The following INPPL1 variants were observed in gnomAD, a reference collection of about 807,000 sequenced individuals.
INPPL1 encodes phosphatidylinositol 3,4,5-trisphosphate 5-phosphatase 2.
In INPPL1, 91 loss-of-function variants were observed where a neutral mutation model predicts 139.3. That is an observed-to-expected ratio of 0.65 (90% CI 0.55 to 0.78). The LOEUF (loss-of-function observed/expected upper bound fraction) is 0.78. Ranked by LOEUF, INPPL1 falls within the 30% of genes least tolerant of loss-of-function variation. INPPL1 has a pLI of 0.00. For missense variants in INPPL1, 1,411 were observed against 1,665.6 expected (o/e 0.85, Z 2.66); for synonymous variants, 719 against 686.6 (o/e 1.05, Z -0.74).
chr11:72,224,770 T>C lies in INPPL1; in HGVS notation c.-215T>C, dbSNP rs1211917582. 2 of 180,772 alleles carry C rather than the reference T, an allele frequency of 1.1e-5. No homozygotes were observed. Among genetic ancestry groups the C allele is most frequent in the Non-Finnish European group, 2.2e-5 (2 of 91,308 alleles). 11.2% of individuals were successfully genotyped at this position (180,772 alleles called of 1,614,324 possible). A position where few individuals can be genotyped will look rare whatever the true frequency, so the allele number is the denominator to read the frequency against. ...CGCCGCCTCTGAACAAACTTTTCTT[T>C]CTCTTCAAGTTGAGGCCGGCGCTGC... On this transcript the variant is annotated 5_prime_UTR_variant, in exon 1 of 28. Coordinates refer to ENST00000298229, the MANE Select transcript of INPPL1 (RefSeq NM_001567.4).
In INPPL1 at chr11:72,238,292, C is replaced by T. The variant is rs374498868; in HGVS notation, c.3716C>T (p.Ala1239Val). 6.2e-7 allele frequency: 1 copy of T among 1,608,206 alleles called. No individual in the cohort carries two copies. Among genetic ancestry groups the T allele is most frequent in the Non-Finnish European group, 8.5e-7 (1 of 1,177,282 alleles). The change falls in exon 28 of 28, where the codon GCT becomes GTT. Residue 1239 changes from alanine to valine, a missense_variant. Transcript: ENST00000298229. ...SDITEEDLEE[A>V]GVQDPAHKRL... ...ATCACCGAGGAGGACTTGGAGGAGGCTGGGGTGCAGGACCCGGCTCACAAG... is the reference window on the plus strand; with the variant it reads ...ATCACCGAGGAGGACTTGGAGGAGGTTGGGGTGCAGGACCCGGCTCACAAG...
In INPPL1 at chr11:72,228,455, G is replaced by C. The variant is rs1232993446; in HGVS notation, c.354G>C (p.Glu118Asp). 6.2e-7 allele frequency: 1 copy of C among 1,611,226 alleles called. No homozygotes were observed. Among genetic ancestry groups the C allele is most frequent in the South Asian group, 1.1e-5 (1 of 91,036 alleles). The part of the protein sequence containing the change: ...GLVCALLLPV[E>D]GEREPDPPDD... ...TGTGCGCCCTGCTTCTTCCTGTAGA[G>C]GGTGAGCGAGAGCCGGACCCACCGG... The change falls in exon 3 of 28, where the codon GAG (glutamate) becomes GAC (aspartate). Residue 118 changes from glutamate (E) to aspartate (D), a missense_variant. Glu to Asp is a conservative substitution (Grantham distance 45). This residue lies in a region of INPPL1 where 504 missense variants were observed against 595.6 expected (regional missense o/e 0.85). Coordinates refer to ENST00000298229, the MANE Select transcript of INPPL1 (RefSeq NM_001567.4). This position sits in a 1 kb window ranked among gnomAD's most constrained non-coding sequence, Gnocchi z 5.0.
chr11:72,224,340 A>T (rs1336522739), upstream of INPPL1, among the ~76,000 whole-genome samples: 1 of 145,730 alleles, frequency 6.9e-6, no homozygotes, highest in African/African-American at 2.6e-5. Flanking sequence ...GAGGATGGGT[A>T]GGGGGTGGTC....
Position 72,230,910 on chromosome 11 carries a change from G to T in INPPL1, c.1300+12G>T. On this transcript the variant is annotated intron_variant, in intron 11 of 27. Transcript: ENST00000298229. ...CACCTGGAACATGGGTCAGGCCCGG[G>T]CTGGGGCTGGGGCGGGAGAGAGGGA... 1 of 1,613,758 alleles carries T rather than the reference G, an allele frequency of 6.2e-7. No homozygotes were observed.
At chr11:72,224,396 A>C (rs57191897), upstream of INPPL1, among the ~76,000 whole-genome samples, 8,674 of 151,574 alleles carry the variant, frequency 0.057, 359 homozygotes, top group African/African-American at 0.12. Flanking sequence ...CCAAGCTGTA[A>C]GGGGGACGAG....
Position 72,235,828 on chromosome 11 carries a change from C to T in INPPL1, c.2739-18C>T. On this transcript the variant is annotated intron_variant, in intron 24 of 27. Coordinates refer to ENST00000298229, the MANE Select transcript of INPPL1 (RefSeq NM_001567.4). The surrounding 1 kb of genome is among the most constrained non-coding windows in gnomAD (Gnocchi z 4.9). ...CTGGTCAACCCCACTTCATCTCTCTCCTGTGCATCCCTGGCAGGTCAGGGA... is the reference window on the plus strand; with the variant it reads ...CTGGTCAACCCCACTTCATCTCTCTTCTGTGCATCCCTGGCAGGTCAGGGA... 1.9e-6 allele frequency: 3 copies of T among 1,612,590 alleles called. No homozygotes were observed. The highest frequency in any genetic ancestry group is 4.5e-5 in the East Asian group (2 of 44,878).
chr11:72,233,180 G>T lies in INPPL1; in HGVS notation c.2040+17G>T. ...CCAACTGGGGTGAGCCAAGAAAACG[G>T]CATGGGCCTTGGGGGACCGCAGGCC... On this transcript the variant is annotated intron_variant, in intron 17 of 27. Coordinates refer to ENST00000298229, the MANE Select transcript of INPPL1 (RefSeq NM_001567.4). 1 of 1,610,074 alleles carries T rather than the reference G, an allele frequency of 6.2e-7. No homozygotes were observed. Among genetic ancestry groups the T allele is most frequent in the Non-Finnish European group, 8.5e-7 (1 of 1,177,362 alleles).
chr11:72,232,814 G>A lies in INPPL1; in HGVS notation c.1851+50G>A, dbSNP rs1406139507. ...TGTAGGGAGGCTAAGGGCCACATGGGCTATCACCCCTGGCTCTGGCTCCGG... is the reference window on the plus strand; with the variant it reads ...TGTAGGGAGGCTAAGGGCCACATGGACTATCACCCCTGGCTCTGGCTCCGG... On this transcript the variant is annotated intron_variant, in intron 15 of 27. Coordinates refer to ENST00000298229, the MANE Select transcript of INPPL1 (RefSeq NM_001567.4). 8 of 1,613,722 alleles carry A rather than the reference G, an allele frequency of 5.0e-6. No homozygotes were observed. The East Asian group carries it at 1.1e-4, about 22-fold the overall frequency.
At chr11:72,230,610 G>T in intron 10 of INPPL1, 142 bp downstream of exon 10, 1 of 903,200 alleles carries the variant, frequency 1.1e-6, no homozygotes, top group Admixed American at 2.1e-5. Context: ...GGTAGAGGGT[G>T]TTGAGAACGG....
rs1948854640 is a variant in INPPL1 at position 72,232,215 on chromosome 11, C to T, written c.1616-25C>T. The T allele has an allele frequency of 2.0e-6, 3 of 1,535,650 alleles. No homozygotes were observed. The South Asian group carries it at 3.6e-5, about 18-fold the overall frequency. On this transcript the variant is annotated intron_variant, in intron 13 of 27. Coordinates refer to ENST00000298229, the MANE Select transcript of INPPL1 (RefSeq NM_001567.4). ...GGAGCCCTCTGAGGATGACCCAGGC[C>T]TTCCTCTCTTGCTTGCCTTAACAGG...
At chr11:72,226,435 C>T (rs945837626) in intron 1 of INPPL1, among the ~76,000 whole-genome samples, 8 of 152,130 alleles carry the variant, frequency 5.3e-5, no homozygotes, top group Non-Finnish European at 1.2e-4. Context: ...CCTGCCCCGG[C>T]CTCTCAAAGT....
At chr11:72,232,786 G>A (rs1948871929) in intron 15 of INPPL1, 22 bp downstream of exon 15, 3 of 1,613,794 alleles carry the variant, frequency 1.9e-6, no homozygotes. Flanking sequence ...GCCCTGCCAT[G>A]GCTGTAGGGA....
chr11:72,232,607 C>T lies in INPPL1; in HGVS notation c.1713-19C>T. 6.2e-7 allele frequency: 1 copy of T among 1,612,002 alleles called. No homozygotes were observed. The highest frequency in any genetic ancestry group is 8.5e-7 in the Non-Finnish European group (1 of 1,178,880). Reference sequence around the variant, plus strand: ...ACCCTGGGGATCTACCCCTCCCCACCACGCACCCCTCACCCTAGGAGGAAC... The same window carrying T: ...ACCCTGGGGATCTACCCCTCCCCACTACGCACCCCTCACCCTAGGAGGAAC... On this transcript the variant is annotated intron_variant, in intron 14 of 27. Transcript: ENST00000298229.
chr11:72,230,985 A>C lies in INPPL1; in HGVS notation c.1301-8A>C, dbSNP rs760010289. On this transcript the variant is annotated splice_region_variant and splice_polypyrimidine_tract_variant and intron_variant, in intron 11 of 27. Transcript: ENST00000298229. ...CCTCCAGACCCACCTCACCCCCTTC[A>C]CCTCCAGGAAGTGTACCACCTCCAA... is the stretch of plus-strand genomic sequence containing the variant. 2.7e-5 allele frequency: 43 copies of C among 1,611,784 alleles called. No homozygotes were observed. The Admixed American group carries it at 7.0e-4, about 26-fold the overall frequency.
At chr11:72,230,674 G>T in intron 10 of INPPL1, 122 bp from the exon 11 acceptor site, 1 of 872,304 alleles carries the variant, frequency 1.1e-6, no homozygotes, top group Non-Finnish European at 1.8e-6. Context: ...TGAGCAGTGG[G>T]TATGCAGTGG....
chr11:72,228,067 G>A lies in INPPL1; in HGVS notation c.183-123G>A, dbSNP rs1948723492. 1.1e-6 allele frequency: 1 copy of A among 910,558 alleles called. No individual in the cohort carries two copies. Among genetic ancestry groups the A allele is most frequent in the Non-Finnish European group, 1.8e-6 (1 of 558,080 alleles). The allele number at this position is 910,558 out of a possible 1,614,324, so 56.4% of individuals were successfully genotyped here. A position where few individuals can be genotyped will look rare whatever the true frequency, so the allele number is the denominator to read the frequency against. ...CATTAACCCTGTGCAGCCTGGGCAGGTGGTTTTAGGGAAACCAAGCTGAGG... is the reference window on the plus strand; with the variant it reads ...CATTAACCCTGTGCAGCCTGGGCAGATGGTTTTAGGGAAACCAAGCTGAGG... On this transcript the variant is annotated intron_variant, in intron 1 of 27. Transcript: ENST00000298229. The surrounding 1 kb of genome is among the most constrained non-coding windows in gnomAD (Gnocchi z 5.0).
At position 72,237,670 on chromosome 11, in the gene INPPL1, C is replaced by G. The variant is rs758938483; in HGVS notation, c.3426C>G (p.Arg1142=). The change falls in exon 26 of 28, where the codon CGC becomes CGG. Residue 1142 remains arginine (R), a synonymous_variant. Coordinates refer to ENST00000298229, the MANE Select transcript of INPPL1 (RefSeq NM_001567.4). ...EVDYAPAGPA[R]SALLPGPLEL... ...ACTATGCCCCTGCTGGGCCTGCACG[C>G]TCAGCGCTCCTCCCAGGCCCCCTGG... 15 of 1,611,816 alleles carry G rather than the reference C, an allele frequency of 9.3e-6. No individual in the cohort carries two copies. The highest frequency in any genetic ancestry group is 1.2e-5 in the Non-Finnish European group (14 of 1,179,442).
At chr11:72,229,794 C>T in intron 7 of INPPL1, 42 bp downstream of exon 7, 1 of 1,568,138 alleles carries the variant, frequency 6.4e-7, no homozygotes, top group Non-Finnish European at 8.8e-7. Flanking sequence ...TCACTGGCCA[C>T]TGTCATTGGC....
At chr11:72,237,862 C>T (rs560399049) in intron 26 of INPPL1, 66 bp downstream of exon 26, 68 of 1,514,310 alleles carry the variant, frequency 4.5e-5, no homozygotes, top group African/African-American at 2.3e-4. Flanking sequence ...GGTACCCTTT[C>T]ACTCCACCAT....
Sources: gnomAD v4.1 joint callset for allele counts (sites outside exome capture counted in the v4.1 genomes callset) on GRCh38, gnomAD v4.1.1 for gene constraint, gnomAD v4.1.1 regional missense constraint, Gnocchi (gnomAD v3.1) non-coding constraint, MANE v1.5 for transcripts, NCBI Gene and HGNC (gene_info 2026-07-23, HGNC 2026-07-21) for gene names.